Variants in PSG7 observed in about 807,000 individuals in gnomAD.
PSG7 encodes pregnancy-specific beta-1-glycoprotein 7.
Under a neutral mutation model 45.6 loss-of-function variants are expected in PSG7, and 57 were observed. The ratio of observed to expected loss-of-function variants is 1.25; its 90% CI spans 1.01 to 1.56. The LOEUF (loss-of-function observed/expected upper bound fraction) is 1.56, where lower values mean the gene tolerates loss of function less well. PSG7 is among the 40% of genes most tolerant of loss of function. PSG7 has a pLI of 0.00. For synonymous variants in PSG7, 298 were observed against 194.4 expected (o/e 1.53, Z -4.43); for missense variants, 796 against 508.4 (o/e 1.57, Z -5.44).
Position 42,933,307 on chromosome 19 carries a change from ATTTTT to A in PSG7, c.430+2092_430+2096del, listed in dbSNP as rs397965905. On this transcript the variant is annotated intron_variant, in intron 2 of 5. Coordinates refer to ENST00000406070, the MANE Select transcript of PSG7 (RefSeq NM_002783.3). The stretch of plus-strand genomic sequence containing the variant: ...TATATATATATATATATATATATAT[ATTTTT>A]TTTTTTTTTTGGTGTATGTATGTGT... Among the ~76,000 whole-genome samples the A allele has an allele frequency of 5.7e-3, 77 of 13,496 alleles. 1 individual carries two copies. The highest frequency in any genetic ancestry group is 0.015 in the East Asian group (3 of 202). 8.9% of individuals were successfully genotyped at this position (13,496 alleles called of 152,430 possible).
intron 2 of PSG7, 107 bp downstream of exon 2, chr19:42,935,297 T>C: frequency 1.3e-6 from 2 of 1,515,934 alleles, no homozygotes. Flanking sequence ...GCATGGGACA[T>C]AATGCAGAGA....
intron 1 of PSG7, 148 bp from the exon 2 acceptor site, chr19:42,935,917 C>CACACACACACACAA (rs1973144326): frequency 2.1e-5 from 18 of 876,762 alleles, no homozygotes; most frequent in Middle Eastern, 4.1e-4. Context: ...CACACACAAA[C>CACACACACACACAA]ACACACACAC....
chr19:42,926,927 T>C (rs1380403800), intron 3 of PSG7: 1 of 992,536 alleles, frequency 1.0e-6, no homozygotes, highest in Non-Finnish European at 1.4e-6. Flanking sequence ...AGCATAGACT[T>C]TCTCAAGTGT....
Position 42,935,561 on chromosome 19 carries a change from A to G in PSG7, c.273T>C (p.Tyr91=), listed in dbSNP as rs782050918. The change falls in exon 2 of 6, where the codon TAT becomes TAC. Residue 91 remains tyrosine (Y), a synonymous_variant. Coordinates refer to ENST00000406070, the MANE Select transcript of PSG7 (RefSeq NM_002783.3). The stretch of plus-strand genomic sequence containing the variant: ...TTTCTCGTCCACTGTATGCAGGCCC[A>G]TATTTAATTATTTGACCGTCTACTA... ...SYIVDGQIIK[Y]GPAYSGRETV... is the part of the protein sequence containing the mutation. 6.2e-7 allele frequency: 1 copy of G among 1,612,060 alleles called. No individual in the cohort carries two copies.
At chr19:42,931,760 G>A (rs142711990) in intron 2 of PSG7, among the ~76,000 whole-genome samples, 1 of 151,344 alleles carries the variant, frequency 6.6e-6, no homozygotes, top group Non-Finnish European at 1.5e-5. Flanking sequence ...CCTCGATCTG[G>A]TCCCCAAACC....
chr19:42,934,372 C>A (rs533995367), intron 2 of PSG7, among the ~76,000 whole-genome samples: 1 of 151,434 alleles, frequency 6.6e-6, no homozygotes, highest in East Asian at 1.9e-4. Context: ...ACCCAGTAAG[C>A]CCTCACTTCT....
intron 5 of PSG7, 149 bp from the exon 6 acceptor site, chr19:42,924,973 A>G (rs947442270): frequency 1.5e-6 from 1 of 658,978 alleles, no homozygotes; most frequent in African/African-American, 1.8e-5. Flanking sequence ...GTTTGTTTGC[A>G]AAATAGGTTG....
intron 2 of PSG7, among the ~76,000 whole-genome samples, chr19:42,932,728 C>T (rs1381730836): frequency 6.6e-6 from 1 of 151,480 alleles, no homozygotes; most frequent in African/African-American, 2.4e-5. Flanking sequence ...ATAGTTCCTC[C>T]ATAAAACTAA....
chr19:42,930,402 G>A (rs1339178406), intron 2 of PSG7, among the ~76,000 whole-genome samples: 1 of 151,598 alleles, frequency 6.6e-6, no homozygotes, highest in Non-Finnish European at 1.5e-5. Flanking sequence ...GAGTGAAGGG[G>A]ACAGGCAAGA....
intron 2 of PSG7, 114 bp downstream of exon 2, chr19:42,935,290 T>C: frequency 6.7e-7 from 1 of 1,500,432 alleles, no homozygotes; most frequent in Non-Finnish European, 9.1e-7. Context: ...AACCCCAGCA[T>C]GGGACATAAT....
intron 3 of PSG7, 21 bp downstream of exon 3, chr19:42,929,421 A>C (rs748753426): frequency 6.2e-7 from 1 of 1,612,092 alleles, no homozygotes; most frequent in African/African-American, 1.3e-5. Flanking sequence ...CCTGGCTAAC[A>C]GAGGAACAGA....
chr19:42,924,895 T>A, intron 5 of PSG7, 71 bp from the exon 6 acceptor site: 1 of 762,578 alleles, frequency 1.3e-6, no homozygotes, highest in Non-Finnish European at 2.4e-6. Flanking sequence ...ACTACGGTTT[T>A]ATTTTCCACA....
intron 1 of PSG7, 141 bp downstream of exon 1, chr19:42,936,872 C>A: frequency 5.3e-6 from 7 of 1,310,654 alleles, no homozygotes; most frequent in Non-Finnish European, 7.4e-6. Context: ...TGATCTTGAA[C>A]TCCTGATCTC....
intron 2 of PSG7, among the ~76,000 whole-genome samples, chr19:42,930,949 A>G (rs1350019446): frequency 1.3e-5 from 2 of 151,606 alleles, no homozygotes; most frequent in Non-Finnish European, 2.9e-5. Context: ...TTTGCAGTAC[A>G]TGTACTGGTT....
intron 4 of PSG7, 137 bp from the exon 5 acceptor site, chr19:42,926,164 A>G: frequency 1.4e-6 from 2 of 1,458,520 alleles, no homozygotes; most frequent in Non-Finnish European, 9.2e-7. Flanking sequence ...ATGTTCACTG[A>G]GCCGAAGCCT....
rs537303361 is a variant in PSG7 at position 42,935,747 on chromosome 19, G to T, written c.87C>A (p.Asn29Lys). 1.2e-6 allele frequency: 2 copies of T among 1,610,810 alleles called. No individual in the cohort carries two copies. The highest frequency in any genetic ancestry group is 2.2e-5 in the South Asian group (2 of 90,634). ...TCGTGACTTGGGCTGTGGTGGGCGG[G>T]TTCCAGAAGTTTAAAAGTGATGCTA... ...LLTASLLNFW[N>K]PPTTAQVTIE... Residue 29 changes from asparagine (N) to lysine (K), a missense_variant, in exon 2 of 6, where the codon AAC becomes AAA. By Grantham distance (94) the Asn-to-Lys change is moderately conservative. Transcript: ENST00000406070.
intron 3 of PSG7, chr19:42,927,336 C>T (rs1042349845): frequency 6.3e-6 from 1 of 157,862 alleles, no homozygotes; most frequent in African/African-American, 2.4e-5. Context: ...TTCATGATGA[C>T]TTACTTGAAC....
Position 42,936,927 on chromosome 19 carries a change from T to G in PSG7, c.64+86A>C. On this transcript the variant is annotated intron_variant, in intron 1 of 5. Coordinates refer to ENST00000406070, the MANE Select transcript of PSG7 (RefSeq NM_002783.3). ...CTCCCAAAGTGCTGGCTTCTTTTAT[T>G]TTTTAGAACCCCATCCTCTCTAGGA... 3.8e-6 allele frequency: 6 copies of G among 1,570,226 alleles called. 1 individual carries two copies. Among genetic ancestry groups the G allele is most frequent in the Non-Finnish European group, 5.2e-6 (6 of 1,147,596 alleles).
At chr19:42,936,908 A>T (rs1221276182) in intron 1 of PSG7, 105 bp downstream of exon 1, 11 of 1,515,690 alleles carry the variant, frequency 7.3e-6, no homozygotes, top group African/African-American at 2.8e-5. Context: ...CAGCCTCCCA[A>T]AGTGCTGGCT....
Sources: allele counts gnomAD v4.1 joint callset (sites outside exome capture counted in the v4.1 genomes callset), GRCh38; gene constraint gnomAD v4.1.1; transcripts MANE v1.5; gene names NCBI Gene and HGNC (gene_info 2026-07-23, HGNC 2026-07-21).